IMMP2L: variants seen among roughly 807,000 people sequenced by gnomAD.
IMMP2L encodes inner mitochondrial membrane peptidase subunit 2.
IMMP2L carries 18 observed loss-of-function variants against 19.3 expected under a neutral mutation model. That is an observed-to-expected ratio of 0.93 (90% CI 0.64 to 1.38). IMMP2L has a LOEUF of 1.38. Ranked by LOEUF, IMMP2L falls within the 40% of genes most tolerant of loss-of-function variation. IMMP2L has a pLI of 0.00. For synonymous variants in IMMP2L, 76 were observed against 73.0 expected (o/e 1.04, Z -0.21); for missense variants, 233 against 218.2 (o/e 1.07, Z -0.43).
At chr7:111,060,928 C>T (rs1447695745) in intron 3 of IMMP2L, among the ~76,000 whole-genome samples, 4 of 152,138 alleles carry the variant, frequency 2.6e-5, no homozygotes, top group Non-Finnish European at 2.9e-5. Flanking sequence ...CTACATATTA[C>T]GGTTCTCGGA....
chr7:111,135,757 C>T (rs1802275337), intron 3 of IMMP2L, among the ~76,000 whole-genome samples: 1 of 152,084 alleles, frequency 6.6e-6, no homozygotes, highest in Admixed American at 6.5e-5. Flanking sequence ...TCATATTCTC[C>T]CTGTCTCCCA....
intron 3 of IMMP2L, among the ~76,000 whole-genome samples, chr7:111,306,409 A>C (rs1822873445): frequency 6.6e-6 from 1 of 152,090 alleles, no homozygotes; most frequent in Non-Finnish European, 1.5e-5. Flanking sequence ...TGGGAACAGG[A>C]GTAGGTACAT....
chr7:110,944,381 A>C (rs1331491304), intron 4 of IMMP2L, among the ~76,000 whole-genome samples: 1 of 151,986 alleles, frequency 6.6e-6, no homozygotes, highest in East Asian at 1.9e-4. Flanking sequence ...TTCAGGATAA[A>C]ACATGAACAC....
intron 5 of IMMP2L, among the ~76,000 whole-genome samples, chr7:110,833,490 T>C (rs937928310): frequency 2.6e-5 from 4 of 151,166 alleles, no homozygotes; most frequent in African/African-American, 4.9e-5. Flanking sequence ...AATTAGAGTA[T>C]TTTTAATTAT....
intron 3 of IMMP2L, among the ~76,000 whole-genome samples, chr7:111,062,859 T>A (rs1397551451): frequency 6.6e-6 from 1 of 152,248 alleles, no homozygotes; most frequent in African/African-American, 2.4e-5. Context: ...TGGACAGCTC[T>A]GCCCCTGTGG....
At chr7:111,162,378 G>A (rs1370514029) in intron 3 of IMMP2L, among the ~76,000 whole-genome samples, 4 of 151,928 alleles carry the variant, frequency 2.6e-5, no homozygotes, top group African/African-American at 4.8e-5. Flanking sequence ...GTAAACACGC[G>A]CTCTTAGAGT....
At chr7:111,225,145 G>A (rs1032228589) in intron 3 of IMMP2L, among the ~76,000 whole-genome samples, 2 of 152,036 alleles carry the variant, frequency 1.3e-5, no homozygotes, top group Non-Finnish European at 2.9e-5. Context: ...ATTTTTGGCA[G>A]ACATTTTCAC....
At chr7:111,446,433 C>A (rs545709038) in intron 3 of IMMP2L, among the ~76,000 whole-genome samples, 1 of 149,598 alleles carries the variant, frequency 6.7e-6, no homozygotes, top group East Asian at 1.9e-4. Context: ...GGAGGCAGCC[C>A]CCAGCAGGGG....
chr7:111,209,134 G>A (rs902667671), intron 3 of IMMP2L, among the ~76,000 whole-genome samples: 4 of 152,170 alleles, frequency 2.6e-5, no homozygotes, highest in African/African-American at 9.7e-5. Context: ...GCTCACGCCT[G>A]TAATCCCAGC....
chr7:110,861,338 T>C (rs2129542783), intron 5 of IMMP2L, among the ~76,000 whole-genome samples: 1 of 152,046 alleles, frequency 6.6e-6, no homozygotes, highest in East Asian at 1.9e-4. Context: ...GAGTGCAGTG[T>C]TGCAATATTG....
intron 3 of IMMP2L, among the ~76,000 whole-genome samples, chr7:111,042,759 A>C (rs1311136287): frequency 6.6e-6 from 1 of 152,192 alleles, no homozygotes; most frequent in Non-Finnish European, 1.5e-5. Context: ...ATTTTAAAGA[A>C]GCTTACAACT....
At chr7:111,225,085 T>A (rs865786472) in intron 3 of IMMP2L, among the ~76,000 whole-genome samples, 5 of 152,238 alleles carry the variant, frequency 3.3e-5, no homozygotes, top group Middle Eastern at 3.4e-3. Flanking sequence ...ACCAAACACT[T>A]TTTACTTAAA....
chr7:111,095,322 G>A (rs1488229350), intron 3 of IMMP2L, among the ~76,000 whole-genome samples: 1 of 151,842 alleles, frequency 6.6e-6, no homozygotes, highest in Admixed American at 6.6e-5. Flanking sequence ...AGAGGCCTAG[G>A]TTAGAACCCC....
Position 111,256,918 on chromosome 7 carries a change from A to G in IMMP2L, c.239+230320T>C, listed in dbSNP as rs972063176. On this transcript the variant is annotated intron_variant, in intron 3 of 5. Transcript: ENST00000405709. ...TAAATAACATCTGGGTAGATAATCA[A>G]CTCCAGAGATCTTTCTAAAGATGAT... Among the ~76,000 whole-genome samples, 5 of 152,134 alleles carry G rather than the reference A, an allele frequency of 3.3e-5. No homozygotes were observed. The East Asian group carries it at 9.6e-4, about 29-fold the overall frequency.
chr7:110,777,770 A>C (rs1478875026), intron 5 of IMMP2L, among the ~76,000 whole-genome samples: 1 of 152,006 alleles, frequency 6.6e-6, no homozygotes, highest in Non-Finnish European at 1.5e-5. Flanking sequence ...AAGGGAGAAA[A>C]TCTTAACGCC....
intron 3 of IMMP2L, among the ~76,000 whole-genome samples, chr7:111,243,516 T>TTTTA (rs1815441314): frequency 7.8e-6 from 1 of 127,538 alleles, no homozygotes; most frequent in Admixed American, 7.6e-5. Context: ...GTTGCTTTAT[T>TTTTA]TTTTTTTTTT....
At chr7:111,067,210 T>A (rs1007150886) in intron 3 of IMMP2L, among the ~76,000 whole-genome samples, 4 of 152,200 alleles carry the variant, frequency 2.6e-5, no homozygotes, top group Non-Finnish European at 2.9e-5. Context: ...AAGCAAATTA[T>A]CAAATTGGAA....
At chr7:110,857,974 T>C (rs1806981929) in intron 5 of IMMP2L, among the ~76,000 whole-genome samples, 1 of 152,076 alleles carries the variant, frequency 6.6e-6, no homozygotes, top group South Asian at 2.1e-4. Context: ...CTTTTATTCA[T>C]AATAACTCCA....
chr7:111,402,930 G>T (rs1478494180), intron 3 of IMMP2L, among the ~76,000 whole-genome samples: 1 of 150,530 alleles, frequency 6.6e-6, no homozygotes, highest in Non-Finnish European at 1.5e-5. Context: ...TCTGAGACAG[G>T]GTTTCACTCT....
Sources: gnomAD v4.1 joint callset for allele counts (sites outside exome capture counted in the v4.1 genomes callset) on GRCh38, gnomAD v4.1.1 for gene constraint, MANE v1.5 for transcripts, NCBI Gene and HGNC (gene_info 2026-07-23, HGNC 2026-07-21) for gene names.